NFATC3: variants seen among roughly 807,000 people sequenced by gnomAD.
The protein encoded by NFATC3 is nuclear factor of activated T cells 3.
Under a neutral mutation model 98.6 loss-of-function variants are expected in NFATC3, and 46 were observed. The ratio of observed to expected loss-of-function variants is 0.47; its 90% CI spans 0.37 to 0.60. NFATC3 has a LOEUF of 0.60. NFATC3 is among the 20% of genes least tolerant of loss of function. The pLI, the probability that NFATC3 is intolerant of heterozygous loss-of-function variation, is 0.00. For missense variants in NFATC3, 1,256 were observed against 1,295.5 expected (o/e 0.97, Z 0.47); for synonymous variants, 512 against 472.2 (o/e 1.08, Z -1.09).
intron 9 of NFATC3, chr16:68,200,957 G>A (rs2040887322): frequency 6.6e-6 from 1 of 152,232 alleles, no homozygotes; most frequent in South Asian, 2.1e-4. Context: ...TTTTGAGATG[G>A]AGTTTCCCTT....
At chr16:68,220,170 C>A (rs181738459) in intron 9 of NFATC3, among the ~76,000 whole-genome samples, 1 of 152,262 alleles carries the variant, frequency 6.6e-6, no homozygotes, top group Admixed American at 6.5e-5. Context: ...CCTGTTAGCA[C>A]CCTTATTGAG....
intron 2 of NFATC3, among the ~76,000 whole-genome samples, chr16:68,124,779 A>C (rs2151506966): frequency 6.8e-6 from 1 of 147,968 alleles, no homozygotes; most frequent in African/African-American, 2.5e-5. Flanking sequence ...GCCCAGGCTC[A>C]AGTGCAGTGG....
intron 9 of NFATC3, among the ~76,000 whole-genome samples, chr16:68,216,069 G>T (rs932750756): frequency 1.3e-5 from 2 of 152,116 alleles, no homozygotes; most frequent in South Asian, 2.1e-4. Context: ...GATCTGGGGA[G>T]ACAAGTTGAT....
chr16:68,130,027 C>T (rs2151516558), intron 3 of NFATC3, among the ~76,000 whole-genome samples: 1 of 152,138 alleles, frequency 6.6e-6, no homozygotes, highest in Non-Finnish European at 1.5e-5. Flanking sequence ...TGTATATATA[C>T]CACATTTTAG....
In NFATC3 at chr16:68,095,347, ATTTTTT is replaced by A. The variant is rs35343240; in HGVS notation, c.103+9581_103+9586del. ...CAGGTGTGCACCACATGCCCAGCTA[ATTTTTT>A]TTTTTTTTTTTTTTTTTGAGACAGA... On this transcript the variant is annotated intron_variant, in intron 1 of 9. Coordinates refer to ENST00000346183, the MANE Select transcript of NFATC3 (RefSeq NM_173165.3). Among the ~76,000 whole-genome samples, 11 of 103,814 alleles carry A rather than the reference ATTTTTT, an allele frequency of 1.1e-4. 1 individual carries two copies. The South Asian group carries it at 2.2e-3, about 21-fold the overall frequency. The allele number at this position is 103,814 out of a possible 152,430, so 68.1% of individuals were successfully genotyped here.
chr16:68,122,065 G>A lies in NFATC3; in HGVS notation c.182G>A (p.Cys61Tyr), dbSNP rs147752167. The A allele has an allele frequency of 1.1e-5, 17 of 1,612,226 alleles. No homozygotes were observed. In the African/African-American group the frequency reaches 2.3e-4, roughly 22 times the overall value. Reference protein sequence around the residue: ...PPPSTLTTPLCLPHHGLPSHS... With the variant: ...PPPSTLTTPLYLPHHGLPSHS... ...CCATCTACTTTAACCACACCACTTTGCTTACCACATCATGGATTACCGTCT... is the reference window on the plus strand; with the variant it reads ...CCATCTACTTTAACCACACCACTTTACTTACCACATCATGGATTACCGTCT... The change falls in exon 2 of 10, where the codon TGC (cysteine) becomes TAC (tyrosine). Residue 61 changes from cysteine (C) to tyrosine (Y), a missense_variant. Around this residue, in one of 3 missense-constraint regions of NFATC3, gnomAD observed 464 missense variants for 465.7 expected, o/e 1.00. Transcript: ENST00000346183.
intron 3 of NFATC3, among the ~76,000 whole-genome samples, chr16:68,141,884 C>T (rs775035410): frequency 5.3e-5 from 8 of 151,916 alleles, no homozygotes; most frequent in Non-Finnish European, 1.5e-5. Context: ...AATTCTTTGC[C>T]TAGGGTGATG....
intron 9 of NFATC3, among the ~76,000 whole-genome samples, chr16:68,220,807 T>TCTTG (rs2041836545): frequency 1.3e-5 from 2 of 150,406 alleles, no homozygotes; most frequent in South Asian, 4.2e-4. Flanking sequence ...TAGTCCCAGC[T>TCTTG]ACTCGGGAGG....
chr16:68,093,924 G>C (rs1458084256), intron 1 of NFATC3, among the ~76,000 whole-genome samples: 1 of 151,974 alleles, frequency 6.6e-6, no homozygotes, highest in Non-Finnish European at 1.5e-5. Flanking sequence ...ACATATATGA[G>C]TCATGTCTTA....
At chr16:68,170,994 A>G (rs2039432647) in intron 5 of NFATC3, among the ~76,000 whole-genome samples, 2 of 152,122 alleles carry the variant, frequency 1.3e-5, no homozygotes, top group Non-Finnish European at 2.9e-5. Flanking sequence ...TGTTTATGCC[A>G]TCTGTTGAAC....
chr16:68,142,617 G>T (rs974882778), intron 3 of NFATC3, among the ~76,000 whole-genome samples: 2 of 152,028 alleles, frequency 1.3e-5, no homozygotes, highest in Admixed American at 6.6e-5. Context: ...AATTAGCTGG[G>T]CGTGGTGGTG....
At chr16:68,168,080 C>T (rs556485058) in intron 5 of NFATC3, among the ~76,000 whole-genome samples, 33 of 151,878 alleles carry the variant, frequency 2.2e-4, no homozygotes, top group Non-Finnish European at 3.4e-4. Context: ...GTGATCCACC[C>T]GCGTTGGCCT....
intron 7 of NFATC3, among the ~76,000 whole-genome samples, chr16:68,182,660 A>C (rs1438986758): frequency 6.6e-6 from 1 of 151,816 alleles, no homozygotes; most frequent in Non-Finnish European, 1.5e-5. Context: ...AGCTGGGACT[A>C]CAGGCGTGCA....
intron 8 of NFATC3, among the ~76,000 whole-genome samples, chr16:68,189,918 A>C (rs1267385916): frequency 6.6e-6 from 1 of 152,128 alleles, no homozygotes; most frequent in East Asian, 1.9e-4. Flanking sequence ...AAACATGAGC[A>C]TGGTGGCGCA....
chr16:68,204,653 C>T (rs542932093), intron 9 of NFATC3, among the ~76,000 whole-genome samples: 5 of 152,272 alleles, frequency 3.3e-5, no homozygotes, highest in Non-Finnish European at 7.4e-5. Flanking sequence ...TAATTGATTA[C>T]TTATATAATC....
At chr16:68,171,048 C>A (rs573856273) in intron 5 of NFATC3, among the ~76,000 whole-genome samples, 62 of 151,952 alleles carry the variant, frequency 4.1e-4, no homozygotes, top group African/African-American at 1.2e-3. Context: ...TGCTCTGTCG[C>A]CCAGGCTGGA....
intron 5 of NFATC3, among the ~76,000 whole-genome samples, chr16:68,168,851 T>G (rs748575891): frequency 1.7e-4 from 26 of 152,172 alleles, no homozygotes; most frequent in Non-Finnish European, 3.8e-4. Flanking sequence ...GTTCGCTGAA[T>G]TGGAGTGATA....
chr16:68,218,708 G>T (rs1386469050), intron 9 of NFATC3, among the ~76,000 whole-genome samples: 2 of 150,704 alleles, frequency 1.3e-5, no homozygotes, highest in Non-Finnish European at 3.0e-5. Flanking sequence ...GAGTAGCTGG[G>T]ACTACAGGTG....
intron 4 of NFATC3, among the ~76,000 whole-genome samples, chr16:68,159,156 G>A (rs1432440421): frequency 2.0e-5 from 3 of 152,134 alleles, no homozygotes; most frequent in Non-Finnish European, 4.4e-5. Context: ...CACTTGCCCG[G>A]GAGGCAGAGG....
Sources: allele counts gnomAD v4.1 joint callset (sites outside exome capture counted in the v4.1 genomes callset), GRCh38; gene constraint gnomAD v4.1.1; regional missense constraint gnomAD v4.1.1; transcripts MANE v1.5; gene names NCBI Gene and HGNC (gene_info 2026-07-23, HGNC 2026-07-21).